Variants in EDEM3 observed in about 807,000 individuals in gnomAD.
The protein encoded by EDEM3 is ER degradation-enhancing alpha-mannosidase-like protein 3.
Under a neutral mutation model 110.2 loss-of-function variants are expected in EDEM3, and 60 were observed. The ratio of observed to expected loss-of-function variants is 0.54; its 90% confidence interval spans 0.44 to 0.67. The LOEUF is 0.67. Ranked by LOEUF, EDEM3 falls within the 30% of genes least tolerant of loss-of-function variation. The pLI is 0.00. For missense variants in EDEM3, 996 were observed against 1,121.0 expected, an observed-to-expected ratio of 0.89 and a Z score of 1.59; for synonymous variants, 352 against 382.9, an observed-to-expected ratio of 0.92 and a Z score of 0.94.
chr1:184,752,133 A>T (rs897074194), intron 1 of EDEM3, among the ~76,000 whole-genome samples: 8 of 152,246 alleles, frequency 5.3e-5, no homozygotes, highest in African/African-American at 1.9e-4. Flanking sequence ...TTTTAATGAA[A>T]ACATAACATT....
chr1:184,709,311 C>A (rs1650099631), intron 16 of EDEM3, among the ~76,000 whole-genome samples: 1 of 152,060 alleles, frequency 6.6e-6, no homozygotes, highest in African/African-American at 2.4e-5. Context: ...AATCAGGATT[C>A]ACATACATAG....
At chr1:184,695,556 T>C (rs1313319608) in intron 19 of EDEM3, among the ~76,000 whole-genome samples, 4 of 152,000 alleles carry the variant, frequency 2.6e-5, no homozygotes, top group Non-Finnish European at 5.9e-5. Context: ...GTAAATGTTA[T>C]GCAAATCATT....
chr1:184,713,083 T>C (rs1393754526), intron 13 of EDEM3, among the ~76,000 whole-genome samples: 2 of 152,110 alleles, frequency 1.3e-5, no homozygotes, highest in African/African-American at 2.4e-5. Flanking sequence ...CTGGCCAACA[T>C]GGTGAAACCC....
intron 2 of EDEM3, among the ~76,000 whole-genome samples, chr1:184,745,915 A>C (rs1652405979): frequency 6.6e-6 from 1 of 152,216 alleles, no homozygotes; most frequent in Admixed American, 6.5e-5. Flanking sequence ...GCCCAAATAC[A>C]TGTCATTTTG....
rs769437943 is a variant in EDEM3, at chr1:184,734,594, C to G, written c.395G>C (p.Arg132Thr). ...EFEDAVRKVL[R>T]DVNLDNDVVV... is the part of the protein sequence containing the mutation. ...TACATCGTTATCTAAATTAACATCT[C>G]TTAAAACTTTTCTCACTGCATCTTC... Residue 132 changes from arginine to threonine, a missense_variant, in exon 5 of 20, where the codon AGA (arginine) becomes ACA (threonine). Around this residue, in one of 5 missense-constraint regions of EDEM3, gnomAD observed 200 missense variants for 183.8 expected, o/e 1.09. Coordinates refer to ENST00000318130, the MANE Select transcript of EDEM3 (RefSeq NM_025191.4). 9 of 1,554,192 alleles carry G rather than the reference C, an allele frequency of 5.8e-6. No individual in the cohort carries two copies. In the South Asian group the frequency reaches 1.1e-4, roughly 19 times the overall value.
intron 2 of EDEM3, among the ~76,000 whole-genome samples, chr1:184,741,852 GT>G (rs1044211063): frequency 1.3e-5 from 2 of 151,984 alleles, no homozygotes; most frequent in African/African-American, 4.8e-5. Context: ...GGCTGGAACA[GT>G]TTTTTTTCCT....
intron 13 of EDEM3, 141 bp downstream of exon 13, chr1:184,716,745 CAG>C (rs1650572333): frequency 8.4e-7 from 1 of 1,196,418 alleles, no homozygotes; most frequent in Admixed American, 2.8e-5. Flanking sequence ...GTGTATTCAA[CAG>C]AGTTTAAAAA....
intron 8 of EDEM3, among the ~76,000 whole-genome samples, chr1:184,721,617 T>A (rs557989299): frequency 3.3e-5 from 5 of 152,122 alleles, no homozygotes; most frequent in African/African-American, 9.6e-5. Flanking sequence ...GCATCTTGTG[T>A]TCTTTAAGAA....
At position 184,723,747 on chromosome 1, in the gene EDEM3, A is replaced by G. The variant is rs746359563; in HGVS notation, c.853+4T>C. 1.9e-6 allele frequency: 3 copies of G among 1,588,342 alleles called. No individual in the cohort carries two copies. The highest frequency in any genetic ancestry group is 2.6e-6 in the Non-Finnish European group (3 of 1,167,888). ...GCTTGATTTAAAAAGCCTAACTTAC[A>G]TACCTTTTCGTACCCAATCTCCAGT... On this transcript the variant is annotated splice_donor_region_variant and intron_variant, in intron 8 of 19. Coordinates refer to ENST00000318130, the MANE Select transcript of EDEM3 (RefSeq NM_025191.4).
chr1:184,730,325 T>C (rs1390248970), intron 6 of EDEM3, among the ~76,000 whole-genome samples: 2 of 152,180 alleles, frequency 1.3e-5, no homozygotes, highest in Non-Finnish European at 2.9e-5. Context: ...CTCACATCTG[T>C]GAGTCCAGTA....
chr1:184,731,312 A>T (rs992694045), intron 6 of EDEM3, among the ~76,000 whole-genome samples: 6 of 152,058 alleles, frequency 3.9e-5, no homozygotes, highest in African/African-American at 1.4e-4. Context: ...AACCAATAAA[A>T]CTCCTTCAAC....
chr1:184,749,737 A>G (rs546455825), intron 1 of EDEM3, 145 bp from the exon 2 acceptor site: 3 of 643,946 alleles, frequency 4.7e-6, no homozygotes. Flanking sequence ...GGACATAAAC[A>G]GAATCAGAAA....
chr1:184,720,508 A>ATTTTTTTTTTTTTTTTTTTTT (rs1558055306), intron 9 of EDEM3: 1 of 120,144 alleles, frequency 8.3e-6, no homozygotes, highest in African/African-American at 3.4e-5. Flanking sequence ...CATCTCCCAT[A>ATTTTTTTTTTTTTTTTTTTTT]CTTTTTTTTT....
chr1:184,726,468 C>G, intron 6 of EDEM3, 79 bp from the exon 7 acceptor site: 2 of 1,441,298 alleles, frequency 1.4e-6, no homozygotes, highest in East Asian at 2.3e-5. Flanking sequence ...TCAATCAAGT[C>G]TTTGTATAAA....
At position 184,734,552 on chromosome 1, in the gene EDEM3, T is replaced by C. The variant is rs1215448424; in HGVS notation, c.437A>G (p.Glu146Gly). 1 of 1,508,718 alleles carries C rather than the reference T, an allele frequency of 6.6e-7. No individual in the cohort carries two copies. Among genetic ancestry groups the C allele is most frequent in the Non-Finnish European group, 8.9e-7 (1 of 1,124,320 alleles). 93.5% of individuals were successfully genotyped at this position (1,508,718 alleles called of 1,614,324 possible). The change falls in exon 5 of 20, where the codon GAA becomes GGA. Residue 146 changes from glutamate to glycine, a missense_variant. Glu to Gly is a moderately conservative substitution (Grantham distance 98, BLOSUM62 -2). Coordinates refer to ENST00000318130, the MANE Select transcript of EDEM3 (RefSeq NM_025191.4). ...LDNDVVVSVF[E>G]TNIRVLGGLL... ...TTACCCAAGAACTCTGATGTTTGTTTCAAAGACTGATACGACTACATCGTT... is the reference window on the plus strand; with the variant it reads ...TTACCCAAGAACTCTGATGTTTGTTCCAAAGACTGATACGACTACATCGTT...
rs535220870 is a variant in EDEM3 at position 184,712,610 on chromosome 1, A to C, written c.1371-12T>G. 7 of 1,491,302 alleles carry C rather than the reference A, an allele frequency of 4.7e-6. No individual in the cohort carries two copies. The South Asian group carries it at 8.7e-5, about 19-fold the overall frequency. 92.4% of individuals were successfully genotyped at this position (1,491,302 alleles called of 1,614,324 possible). ...AGAAAGAATCCATTCTAAAATAAAA[A>C]GTCACAAATAAATATAAGTAGATAA... On this transcript the variant is annotated splice_polypyrimidine_tract_variant and intron_variant, in intron 13 of 19. Coordinates refer to ENST00000318130, the MANE Select transcript of EDEM3 (RefSeq NM_025191.4).
intron 13 of EDEM3, among the ~76,000 whole-genome samples, chr1:184,715,601 T>C (rs1558051748): frequency 1.3e-5 from 2 of 152,174 alleles, no homozygotes; most frequent in Non-Finnish European, 2.9e-5. Flanking sequence ...GACTTAATCT[T>C]ACTAACTGTG....
intron 2 of EDEM3, among the ~76,000 whole-genome samples, chr1:184,746,577 C>T (rs1652442146): frequency 6.6e-6 from 1 of 152,126 alleles, no homozygotes; most frequent in Non-Finnish European, 1.5e-5. Context: ...GCTGGCAAAC[C>T]ATTGTCTTCA....
In EDEM3 at chr1:184,737,178, C is replaced by G; in HGVS notation, c.306-114G>C. 5.8e-6 allele frequency: 5 copies of G among 855,202 alleles called. 1 individual carries two copies. Among genetic ancestry groups the G allele is most frequent in the Middle Eastern group, 5.6e-4 (2 of 3,554 alleles). 53.0% of individuals were successfully genotyped at this position (855,202 alleles called of 1,614,324 possible). A position where few individuals can be genotyped will look rare whatever the true frequency, so the allele number is the denominator to read the frequency against. On this transcript the variant is annotated intron_variant, in intron 3 of 19. Transcript: ENST00000318130. ...TGGTAGTTTCTATAAATTAGTACTTCCATGTATCTATAGTACAATGAAACC... is the reference window on the plus strand; with the variant it reads ...TGGTAGTTTCTATAAATTAGTACTTGCATGTATCTATAGTACAATGAAACC...
Sources: allele counts gnomAD v4.1 joint callset (sites outside exome capture counted in the v4.1 genomes callset), GRCh38; gene constraint gnomAD v4.1.1; regional missense constraint gnomAD v4.1.1; transcripts MANE v1.5; gene names NCBI Gene and HGNC (gene_info 2026-07-23, HGNC 2026-07-21).